The following UTP20 variants were observed in gnomAD, a reference collection of about 807,000 sequenced individuals.
The protein encoded by UTP20 is UTP20 small subunit processome component.
A neutral mutation model predicts 329.5 loss-of-function variants in UTP20; 164 were observed. The ratio of observed to expected loss-of-function variants is 0.50; its 90% CI spans 0.44 to 0.57. The LOEUF is 0.57. Ranked by LOEUF, UTP20 falls within the 20% of genes least tolerant of loss-of-function variation. UTP20 has a pLI of 0.00. For synonymous variants in UTP20, 1,151 were observed against 1,159.3 expected (o/e 0.99, Z 0.14); for missense variants, 3,055 against 3,284.2 (o/e 0.93, Z 1.71).
At chr12:101,327,305 C>T (rs1365595502) in intron 26 of UTP20, 58 bp downstream of exon 26, 1 of 1,428,176 alleles carries the variant, frequency 7.0e-7, no homozygotes, top group East Asian at 2.5e-5. Context: ...CTTCTCACAT[C>T]TCAGGCTACA....
Position 101,280,160 on chromosome 12 carries a change from T to A in UTP20, c.-123T>A. On this transcript the variant is annotated 5_prime_UTR_variant, in exon 1 of 62. The change abolishes the stop of an existing upstream ORF in the 5' untranslated region. Coordinates refer to ENST00000261637, the MANE Select transcript of UTP20 (RefSeq NM_014503.3). ...GGCGCCCAGGGGCTCAAGCCGCACGTGAGAAAGTCTGGGCATCTGGGAATC... is the reference window on the plus strand; with the variant it reads ...GGCGCCCAGGGGCTCAAGCCGCACGAGAGAAAGTCTGGGCATCTGGGAATC... 1 of 1,291,102 alleles carries A rather than the reference T, an allele frequency of 7.7e-7. No homozygotes were observed. Among genetic ancestry groups the A allele is most frequent in the Non-Finnish European group, 1.1e-6 (1 of 937,670 alleles). 80.0% of individuals were successfully genotyped at this position (1,291,102 alleles called of 1,614,324 possible).
chr12:101,299,487 A>G (rs2137242011), intron 12 of UTP20, among the ~76,000 whole-genome samples, 195 bp from the exon 13 acceptor site: 1 of 152,292 alleles, frequency 6.6e-6, no homozygotes, highest in Admixed American at 6.5e-5. Context: ...AGTGAAAGGA[A>G]GTAGAGCCAG....
Position 101,361,976 on chromosome 12 carries a change from T to C in UTP20, c.5706T>C (p.Thr1902=). The C allele has an allele frequency of 6.2e-7, 1 of 1,613,716 alleles. No homozygotes were observed. Among genetic ancestry groups the C allele is most frequent in the East Asian group, 2.2e-5 (1 of 44,864 alleles). ...LVRGYQVHVL[T]FTVHMLLQGL... ...TCTCATGTTAGGTCCATGTGCTGAC[T>C]TTCACCGTTCACATGCTGCTGCAAG... The change falls in exon 44 of 62, where the codon ACT becomes ACC. Residue 1902 remains threonine, a synonymous_variant. Transcript: ENST00000261637.
chr12:101,319,928 A>G (rs1216605069), intron 23 of UTP20, among the ~76,000 whole-genome samples: 1 of 152,188 alleles, frequency 6.6e-6, no homozygotes, highest in Non-Finnish European at 1.5e-5. Flanking sequence ...AGCTTTTAGA[A>G]GGGAGTAGGG....
intron 25 of UTP20, among the ~76,000 whole-genome samples, chr12:101,322,868 A>G (rs747435752): frequency 5.3e-5 from 8 of 152,252 alleles, no homozygotes; most frequent in Non-Finnish European, 1.0e-4. Flanking sequence ...TACAGAAACA[A>G]TAAAAATAGA....
chr12:101,351,609 C>A (rs563896547), intron 38 of UTP20, among the ~76,000 whole-genome samples: 1 of 149,392 alleles, frequency 6.7e-6, no homozygotes, highest in South Asian at 2.1e-4. Flanking sequence ...AAACATGTGC[C>A]GTGGTGGTTT....
chr12:101,282,577 T>G (rs1409077198), intron 2 of UTP20, among the ~76,000 whole-genome samples: 1 of 151,932 alleles, frequency 6.6e-6, no homozygotes, highest in Non-Finnish European at 1.5e-5. Context: ...TAAGTTGGGG[T>G]TTTATCCTGA....
chr12:101,289,407 GTAA>G (rs141427930), intron 6 of UTP20, among the ~76,000 whole-genome samples: 43 of 150,554 alleles, frequency 2.9e-4, no homozygotes, highest in East Asian at 5.8e-4. Context: ...ACACACACTA[GTAA>G]TAATAATAAT....
At chr12:101,357,777 G>T (rs1168440501) in intron 43 of UTP20, among the ~76,000 whole-genome samples, 1 of 152,046 alleles carries the variant, frequency 6.6e-6, no homozygotes, top group Admixed American at 6.6e-5. Context: ...AGAGCGCCAA[G>T]TGGAATATAC....
At chr12:101,346,420 G>C in intron 37 of UTP20, 31 bp from the exon 38 acceptor site, 1 of 1,555,740 alleles carries the variant, frequency 6.4e-7, no homozygotes. Flanking sequence ...AGATTATTCG[G>C]TAACTAATTC....
Position 101,300,141 on chromosome 12 carries a change from G to C in UTP20, c.1675+80G>C, listed in dbSNP as rs1872481275. On this transcript the variant is annotated intron_variant, in intron 14 of 61. Transcript: ENST00000261637. Reference sequence around the variant, plus strand: ...AATTGTAAACACATGAGCTATTAGAGAATAATACTTACATTGTGTTCTGGC... The same window carrying C: ...AATTGTAAACACATGAGCTATTAGACAATAATACTTACATTGTGTTCTGGC... 9 of 1,330,936 alleles carry C rather than the reference G, an allele frequency of 6.8e-6. No homozygotes were observed. In the South Asian group the frequency reaches 1.1e-4, roughly 16 times the overall value. The allele number at this position is 1,330,936 out of a possible 1,614,324, so 82.4% of individuals were successfully genotyped here.
rs1295667805 is a variant in UTP20, at chr12:101,329,114, T to A, written c.3209-127T>A. On this transcript the variant is annotated intron_variant, in intron 26 of 61. Coordinates refer to ENST00000261637, the MANE Select transcript of UTP20 (RefSeq NM_014503.3). The stretch of plus-strand genomic sequence containing the variant: ...AATACATAAGAAAAGTGCATTGTCA[T>A]CTATAAATTACCATGACAGTAGAAA... 5.0e-6 allele frequency: 4 copies of A among 805,000 alleles called. No individual in the cohort carries two copies. The African/African-American group carries it at 7.0e-5, about 14-fold the overall frequency. 49.9% of individuals were successfully genotyped at this position (805,000 alleles called of 1,614,324 possible).
At chr12:101,348,760 G>A (rs61944232) in intron 38 of UTP20, among the ~76,000 whole-genome samples, 2 of 50,596 alleles carry the variant, frequency 4.0e-5, no homozygotes, top group Non-Finnish European at 7.9e-5. Context: ...TTTTTTTTTG[G>A]AGAGACAGGG....
At chr12:101,336,708 G>C (rs1279544955) in intron 29 of UTP20, among the ~76,000 whole-genome samples, 1 of 152,110 alleles carries the variant, frequency 6.6e-6, no homozygotes, top group African/African-American at 2.4e-5. Context: ...ATTATCCACA[G>C]CTCCTTCAGG....
intron 61 of UTP20, 92 bp from the exon 62 acceptor site, chr12:101,385,858 TCAGATTTTCTTTAATGAG>T: frequency 6.8e-7 from 1 of 1,462,560 alleles, no homozygotes; most frequent in Non-Finnish European, 9.1e-7. Flanking sequence ...AGCTGGGACT[TCAGATTTTCTTTAATGAG>T]CATGTGTTTT....
chr12:101,330,987 T>C (rs1283544281), intron 27 of UTP20, among the ~76,000 whole-genome samples: 1 of 152,222 alleles, frequency 6.6e-6, no homozygotes, highest in East Asian at 1.9e-4. Context: ...AGCTCAGTTA[T>C]ATATTTACTT....
Position 101,301,920 on chromosome 12 carries a change from GTATTTATT to G in UTP20, c.1676-510_1676-503del, listed in dbSNP as rs367861960. 6.0e-3 allele frequency among the ~76,000 whole-genome samples: 911 copies of G among 151,846 alleles called. 4 individuals carry two copies. Among genetic ancestry groups the G allele is most frequent in the Non-Finnish European group, 0.011 (766 of 67,934 alleles). On this transcript the variant is annotated intron_variant, in intron 14 of 61. Coordinates refer to ENST00000261637, the MANE Select transcript of UTP20 (RefSeq NM_014503.3). ...ACACATTTTTATTCTCTACTTCTGA[GTATTTATT>G]TATTTATTTATTTATTTTGAGACTG...
Position 101,344,726 on chromosome 12 carries a change from A to G in UTP20, c.4581A>G (p.Arg1527=), listed in dbSNP as rs1193753484. ...IIHRSLLEKL[R]KGLKSQTESI... is the part of the protein sequence containing the mutation. The stretch of plus-strand genomic sequence containing the variant: ...ACCGTTCACTCCTGGAGAAATTGAG[A>G]AAAGGTCTGAAGAGCCAGACAGAGG... The change falls in exon 36 of 62, where the codon AGA becomes AGG. Residue 1527 remains arginine (R), a synonymous_variant. Transcript: ENST00000261637. 6.2e-7 allele frequency: 1 copy of G among 1,613,778 alleles called. No individual in the cohort carries two copies. Among genetic ancestry groups the G allele is most frequent in the Non-Finnish European group, 8.5e-7 (1 of 1,179,760 alleles).
chr12:101,300,478 C>T (rs1332557958), intron 14 of UTP20, among the ~76,000 whole-genome samples: 2 of 152,160 alleles, frequency 1.3e-5, no homozygotes, highest in Admixed American at 6.5e-5. Flanking sequence ...GTTTCCTCTG[C>T]ATGGAGACCC....
Sources: gnomAD v4.1 joint callset for allele counts (sites outside exome capture counted in the v4.1 genomes callset) on GRCh38, gnomAD v4.1.1 for gene constraint, MANE v1.5 for transcripts, NCBI Gene and HGNC (gene_info 2026-07-23, HGNC 2026-07-21) for gene names.